Variants in TTC12 observed in about 807,000 individuals in gnomAD.
The protein encoded by TTC12 is tetratricopeptide repeat protein 12.
Under a neutral mutation model 90.1 loss-of-function variants are expected in TTC12, and 70 were observed. That is an observed-to-expected ratio of 0.78 (90% confidence interval 0.64 to 0.95). The LOEUF (loss-of-function observed/expected upper bound fraction) is 0.95. Ranked by LOEUF, TTC12 falls within the 40% of genes least tolerant of loss-of-function variation. TTC12 has a pLI of 0.00. For missense variants in TTC12, 819 were observed against 846.1 expected (o/e 0.97, Z 0.40); for synonymous variants, 296 against 311.5 (o/e 0.95, Z 0.53).
intron 13 of TTC12, among the ~76,000 whole-genome samples, chr11:113,347,898 T>C (rs1395583141): frequency 6.6e-6 from 1 of 152,176 alleles, no homozygotes; most frequent in African/African-American, 2.4e-5. Flanking sequence ...CATTTGGTCC[T>C]ATTGATCACT....
At position 113,334,161 on chromosome 11, in the gene TTC12, A is replaced by T. The variant is rs530953359; in HGVS notation, c.505-805A>T. On this transcript the variant is annotated intron_variant, in intron 7 of 21. Coordinates refer to ENST00000529221, the MANE Select transcript of TTC12 (RefSeq NM_017868.4). ...TGAACTCTTAACCTCTTCATATCTA[A>T]ACCTTTGAAGGGCATCTGATTTGGC... 5.3e-5 allele frequency among the ~76,000 whole-genome samples: 8 copies of T among 152,262 alleles called. No homozygotes were observed. In the South Asian group the frequency reaches 1.7e-3, roughly 32 times the overall value.
intron 13 of TTC12, among the ~76,000 whole-genome samples, chr11:113,349,144 AT>A (rs1340619891): frequency 6.6e-6 from 1 of 152,214 alleles, no homozygotes; most frequent in African/African-American, 2.4e-5. Flanking sequence ...AAACGAATGA[AT>A]AGCTAACACT....
At position 113,348,330 on chromosome 11, in the gene TTC12, T is replaced by A. The variant is rs1025064060; in HGVS notation, c.1155-1743T>A. On this transcript the variant is annotated intron_variant, in intron 13 of 21. Transcript: ENST00000529221. ...TCACCACATCCATAAGATAGTATGCTGCCAGCTCTTTCTCCTTAGCATCTC... is the reference window on the plus strand; with the variant it reads ...TCACCACATCCATAAGATAGTATGCAGCCAGCTCTTTCTCCTTAGCATCTC... Among the ~76,000 whole-genome samples the A allele has an allele frequency of 4.9e-4, 75 of 152,358 alleles. 1 individual carries two copies. Among genetic ancestry groups the A allele is most frequent in the Admixed American group, 6.5e-4 (10 of 15,308 alleles).
intron 18 of TTC12, among the ~76,000 whole-genome samples, chr11:113,361,921 T>C (rs1484053738): frequency 7.0e-6 from 1 of 143,676 alleles, no homozygotes; most frequent in African/African-American, 2.6e-5. Flanking sequence ...AAGATAGTTA[T>C]ATCCATAAAA....
At chr11:113,360,080 T>TTTTGTTTTG (rs2138068218) in intron 18 of TTC12, 72 bp downstream of exon 18, 376 of 1,154,976 alleles carry the variant, frequency 3.3e-4, no homozygotes, top group Middle Eastern at 1.1e-3. Flanking sequence ...TTTTGTTTTA[T>TTTTGTTTTG]TATCAGTGTA....
intron 2 of TTC12, among the ~76,000 whole-genome samples, chr11:113,318,411 T>C (rs61903985): frequency 0.025 from 3,760 of 152,310 alleles, 79 homozygotes; most frequent in Non-Finnish European, 0.043. Context: ...TTCTGAGGCC[T>C]CTCTCCTTGG....
chr11:113,350,090 T>C lies in TTC12; in HGVS notation c.1172T>C (p.Val391Ala), dbSNP rs1177985348. 3.1e-6 allele frequency: 5 copies of C among 1,613,938 alleles called. No individual in the cohort carries two copies. Among genetic ancestry groups the C allele is most frequent in the East Asian group, 2.2e-5 (1 of 44,890 alleles). ...LDLTRLLEAL[V>A]SFLDFSDKEA... ...TTTTGCAGATTATTGGAAGCGCTGG[T>C]GTCATTTCTTGATTTCTCGGATAAG... Residue 391 changes from valine to alanine, a missense_variant, in exon 14 of 22, where the codon GTG (valine) becomes GCG (alanine). By Grantham distance (64) the Val-to-Ala change is moderately conservative (BLOSUM62 0). Coordinates refer to ENST00000529221, the MANE Select transcript of TTC12 (RefSeq NM_017868.4).
chr11:113,350,036 G>A (rs1555149471), intron 13 of TTC12, 37 bp from the exon 14 acceptor site: 9 of 1,532,428 alleles, frequency 5.9e-6, no homozygotes, highest in Non-Finnish European at 8.1e-6. Context: ...GTTAGTTGGA[G>A]GACAGCTACC....
At chr11:113,316,831 G>T (rs1431627786) in intron 2 of TTC12, among the ~76,000 whole-genome samples, 2 of 152,188 alleles carry the variant, frequency 1.3e-5, no homozygotes, top group Non-Finnish European at 2.9e-5. Flanking sequence ...AGGCAGGTTG[G>T]ATCTCAAAGA....
At chr11:113,315,106 A>C (rs1355779039) in intron 1 of TTC12, 6 of 152,164 alleles carry the variant, frequency 3.9e-5, no homozygotes, top group African/African-American at 1.4e-4. Context: ...TCACTGGACT[A>C]GGCCTCTGTT....
intron 1 of TTC12, among the ~76,000 whole-genome samples, chr11:113,315,693 A>G (rs1946892328): frequency 6.6e-6 from 1 of 152,240 alleles, no homozygotes. Context: ...AGCAGAAGAG[A>G]CGCTGGTGAG....
rs536137127 is a variant in TTC12, at chr11:113,324,544, A to G, written c.245-61A>G. The G allele has an allele frequency of 2.0e-5, 29 of 1,432,086 alleles. No homozygotes were observed. In the African/African-American group the frequency reaches 3.0e-4, roughly 15 times the overall value. The allele number at this position is 1,432,086 out of a possible 1,614,324, so 88.7% of individuals were successfully genotyped here. On this transcript the variant is annotated intron_variant, in intron 4 of 21. Transcript: ENST00000529221. ...TAAAGTAACACTTCGAATTTGAGCT[A>G]AAGAACTGATTATAGTATTTGGATT...
intron 16 of TTC12, among the ~76,000 whole-genome samples, chr11:113,353,405 C>T (rs4938008): frequency 0.018 from 2,696 of 152,244 alleles, 47 homozygotes; most frequent in Non-Finnish European, 0.026. Context: ...AACTTTCTCC[C>T]ATTCTATAGG....
intron 13 of TTC12, among the ~76,000 whole-genome samples, chr11:113,345,184 T>A (rs1322382889): frequency 6.6e-6 from 1 of 152,256 alleles, no homozygotes; most frequent in Non-Finnish European, 1.5e-5. Flanking sequence ...TTTATGTGGT[T>A]CAATCTAACA....
intron 8 of TTC12, among the ~76,000 whole-genome samples, chr11:113,337,607 A>G (rs1431549272): frequency 6.6e-6 from 1 of 152,188 alleles, no homozygotes; most frequent in Admixed American, 6.5e-5. Flanking sequence ...AGGGCCCTAC[A>G]GGCTTTTCAA....
At chr11:113,372,516 T>A (rs1215987616) in intron 21 of TTC12, among the ~76,000 whole-genome samples, 3 of 152,324 alleles carry the variant, frequency 2.0e-5, no homozygotes, top group African/African-American at 7.2e-5. Context: ...CACAGAGCTT[T>A]TTAAATTCTC....
chr11:113,357,190 A>C (rs180986822), intron 16 of TTC12, among the ~76,000 whole-genome samples: 12 of 152,140 alleles, frequency 7.9e-5, no homozygotes, highest in Admixed American at 7.8e-4. Context: ...TCAAGCTCTG[A>C]GATTATTTCC....
chr11:113,314,837 C>G (rs1191298843), intron 1 of TTC12: 1 of 120,092 alleles, frequency 8.3e-6, no homozygotes, highest in Non-Finnish European at 1.8e-5. Flanking sequence ...CCTCTTTGCG[C>G]CCGGCGGGCA....
At chr11:113,324,787 G>A (rs1156942381) in intron 5 of TTC12, 105 bp downstream of exon 5, 5 of 995,732 alleles carry the variant, frequency 5.0e-6, no homozygotes, top group East Asian at 2.6e-5. Flanking sequence ...TCCCAGTGGT[G>A]AGGTTTGTGA....
Sources: gnomAD v4.1 joint callset for allele counts (sites outside exome capture counted in the v4.1 genomes callset) on GRCh38, gnomAD v4.1.1 for gene constraint, MANE v1.5 for transcripts, NCBI Gene and HGNC (gene_info 2026-07-23, HGNC 2026-07-21) for gene names.